The following MSMO1 variants were observed in gnomAD, a reference collection of about 807,000 sequenced individuals.
MSMO1 encodes methylsterol monooxygenase 1, also known as C-4 methylsterol oxidase.
In MSMO1, 18 loss-of-function variants were observed where a neutral mutation model predicts 30.4. The observed-to-expected ratio is 0.59, with a 90% CI of 0.41 to 0.88. The LOEUF (loss-of-function observed/expected upper bound fraction) is 0.88, where lower values mean the gene tolerates loss of function less well. MSMO1 is among the 40% of genes least tolerant of loss of function. The pLI is 0.00. For missense variants in MSMO1, 284 were observed against 340.5 expected, an observed-to-expected ratio of 0.83 and a Z score of 1.31; for synonymous variants, 84 against 107.9, an observed-to-expected ratio of 0.78 and a Z score of 1.37.
intron 1 of MSMO1, among the ~76,000 whole-genome samples, chr4:165,331,960 A>T (rs370283473): frequency 0.023 from 3,351 of 148,638 alleles, 121 homozygotes; most frequent in African/African-American, 0.078. Context: ...ACTCTCCCCT[A>T]CCCCGTCGCC....
intron 5 of MSMO1, 21 bp downstream of exon 5, chr4:165,340,396 A>G (rs1343272070): frequency 1.3e-6 from 2 of 1,591,678 alleles, no homozygotes; most frequent in South Asian, 1.1e-5. Context: ...ATTTCTGTTC[A>G]GGTATAAAGC....
rs372745269 is a variant in MSMO1 at position 165,333,526 on chromosome 4, G to C, written c.156G>C (p.Trp52Cys). 163 of 1,613,148 alleles carry C rather than the reference G, an allele frequency of 1.0e-4. No individual in the cohort carries two copies. The highest frequency in any genetic ancestry group is 1.3e-4 in the Non-Finnish European group (154 of 1,179,592). The change falls in exon 2 of 6, where the codon TGG becomes TGC. Residue 52 changes from tryptophan to cysteine, a missense_variant. Trp to Cys is a radical substitution (Grantham distance 215). Transcript: ENST00000261507. ...ATACAAAGTTCCAGATTGCAACATGGGGATCCCTTATAGTTCATGAAGCCC... is the reference window on the plus strand; with the variant it reads ...ATACAAAGTTCCAGATTGCAACATGCGGATCCCTTATAGTTCATGAAGCCC... The part of the protein sequence containing the change: ...NNYTKFQIAT[W>C]GSLIVHEALY...
At chr4:165,332,670 G>T (rs1009701427) in intron 1 of MSMO1, among the ~76,000 whole-genome samples, 7 of 152,138 alleles carry the variant, frequency 4.6e-5, no homozygotes, top group Admixed American at 1.3e-4. Context: ...TGCTACTCAG[G>T]CTAAAAGTGT....
intron 2 of MSMO1, among the ~76,000 whole-genome samples, chr4:165,337,447 A>G (rs956237289): frequency 6.6e-6 from 1 of 152,214 alleles, no homozygotes; most frequent in Non-Finnish European, 1.5e-5. Flanking sequence ...TGGACACCCA[A>G]CAGTAATCTT....
chr4:165,340,872 T>A (rs1747696985), intron 5 of MSMO1, among the ~76,000 whole-genome samples: 1 of 152,218 alleles, frequency 6.6e-6, no homozygotes, highest in African/African-American at 2.4e-5. Flanking sequence ...CATTATTTTT[T>A]AATTATATGT....
chr4:165,328,653 G>T (rs2126612768), intron 1 of MSMO1, among the ~76,000 whole-genome samples: 1 of 152,242 alleles, frequency 6.6e-6, no homozygotes, highest in East Asian at 1.9e-4. Flanking sequence ...TCCAGAACAG[G>T]CTTCCAGTCA....
rs138659399 is a variant in MSMO1 at position 165,333,703 on chromosome 4, G to T, written c.255+78G>T. ...TTAAAAGTACATAGGGCTTTGTTTT[G>T]TGAGGCTAAAGCAGTGATATCCAAT... On this transcript the variant is annotated intron_variant, in intron 2 of 5. Coordinates refer to ENST00000261507, the MANE Select transcript of MSMO1 (RefSeq NM_006745.5). 509 of 1,390,520 alleles carry T rather than the reference G, an allele frequency of 3.7e-4. 1 individual carries two copies. In the African/African-American group the frequency reaches 5.8e-3, roughly 16 times the overall value. The allele number at this position is 1,390,520 out of a possible 1,614,324, so 86.1% of individuals were successfully genotyped here. A position where few individuals can be genotyped will look rare whatever the true frequency, so the allele number is the denominator to read the frequency against.
chr4:165,334,206 A>G (rs916623884), intron 2 of MSMO1, among the ~76,000 whole-genome samples: 4 of 152,366 alleles, frequency 2.6e-5, no homozygotes, highest in East Asian at 1.9e-4. Flanking sequence ...ATTTTAGTCT[A>G]TCTCAATTTA....
rs1394123215 is a variant in MSMO1 at position 165,340,256 on chromosome 4, T to G, written c.567T>G (p.Pro189=). ...PFGMEAEYAH[P]LETLILGTGF... Reference sequence around the variant, plus strand: ...GAATGGAAGCTGAATATGCACATCCTTTGGAGACTCTAATTCTTGGAACTG... The same window carrying G: ...GAATGGAAGCTGAATATGCACATCCGTTGGAGACTCTAATTCTTGGAACTG... The change falls in exon 5 of 6, where the codon CCT becomes CCG. Residue 189 remains proline, a synonymous_variant. Transcript: ENST00000261507. 3.7e-6 allele frequency: 6 copies of G among 1,613,840 alleles called. No individual in the cohort carries two copies. The highest frequency in any genetic ancestry group is 5.1e-6 in the Non-Finnish European group (6 of 1,179,950).
At chr4:165,331,280 G>T (rs1747380979) in intron 1 of MSMO1, among the ~76,000 whole-genome samples, 1 of 151,752 alleles carries the variant, frequency 6.6e-6, no homozygotes, top group Admixed American at 6.6e-5. Flanking sequence ...CTCCAGCTTG[G>T]GTGACAGAGT....
In MSMO1 at chr4:165,341,731, C is replaced by CT; in HGVS notation, c.687-17dup. On this transcript the variant is annotated intron_variant, in intron 5 of 5. Transcript: ENST00000261507. ...TGAGATGTATTTATTCCTTAATAATCTTTATCATTTTTGTTTCAGTGGTTA... is the reference window on the plus strand; with the variant it reads ...TGAGATGTATTTATTCCTTAATAATCTTTTATCATTTTTGTTTCAGTGGTTA... 6.4e-7 allele frequency: 1 copy of CT among 1,567,112 alleles called. No individual in the cohort carries two copies. Among genetic ancestry groups the CT allele is most frequent in the Non-Finnish European group, 8.8e-7 (1 of 1,137,700 alleles).
At chr4:165,340,047 C>G (rs1747674319) in intron 4 of MSMO1, among the ~76,000 whole-genome samples, 174 bp from the exon 5 acceptor site, 2 of 152,188 alleles carry the variant, frequency 1.3e-5, no homozygotes. Flanking sequence ...AGGGTAATCA[C>G]CTTTACTCAG....
chr4:165,334,732 A>G (rs1054788156), intron 2 of MSMO1, among the ~76,000 whole-genome samples: 1 of 152,240 alleles, frequency 6.6e-6, no homozygotes, highest in Non-Finnish European at 1.5e-5. Flanking sequence ...AGCTGATGAT[A>G]GTTTCTAGTG....
chr4:165,330,753 T>C (rs1207075619), intron 1 of MSMO1, among the ~76,000 whole-genome samples: 2 of 152,104 alleles, frequency 1.3e-5, no homozygotes, highest in Non-Finnish European at 2.9e-5. Context: ...GTGCCCAGGC[T>C]AGAGTGCAGT....
In MSMO1 at chr4:165,330,093, T is replaced by G. The variant is rs1314279954; in HGVS notation, c.-32+2329T>G. ...ACTGTAGGAATTATTCTCCTTGTAC[T>G]CTAATACTTATTATGGGTTTTATTT... On this transcript the variant is annotated intron_variant, in intron 1 of 5. Coordinates refer to ENST00000261507, the MANE Select transcript of MSMO1 (RefSeq NM_006745.5). Among the ~76,000 whole-genome samples the G allele has an allele frequency of 5.9e-5, 9 of 152,358 alleles. No individual in the cohort carries two copies. In the East Asian group the frequency reaches 1.7e-3, roughly 29 times the overall value.
intron 2 of MSMO1, among the ~76,000 whole-genome samples, chr4:165,336,621 A>G (rs72701625): frequency 0.24 from 35,991 of 152,144 alleles, 5,191 homozygotes; most frequent in Non-Finnish European, 0.33. Flanking sequence ...TTTGTCCCCA[A>G]TTACAGAGTG....
intron 4 of MSMO1, 72 bp downstream of exon 4, chr4:165,338,850 T>C: frequency 7.6e-7 from 1 of 1,317,664 alleles, no homozygotes; most frequent in Non-Finnish European, 1.1e-6. Context: ...AGCATTTTTC[T>C]AAAATTGTTG....
chr4:165,338,365 C>G (rs1253993664), intron 3 of MSMO1, among the ~76,000 whole-genome samples: 1 of 151,034 alleles, frequency 6.6e-6, no homozygotes, highest in Non-Finnish European at 1.5e-5. Context: ...TATATATACT[C>G]ATGCGTCACT....
intron 2 of MSMO1, among the ~76,000 whole-genome samples, chr4:165,336,614 G>A (rs1052068860): frequency 7.2e-5 from 11 of 152,166 alleles, no homozygotes; most frequent in Non-Finnish European, 1.3e-4. Context: ...CATTTATTTT[G>A]TCCCCAATTA....
Sources: gnomAD v4.1 joint callset for allele counts (sites outside exome capture counted in the v4.1 genomes callset) on GRCh38, gnomAD v4.1.1 for gene constraint, MANE v1.5 for transcripts, NCBI Gene and HGNC (gene_info 2026-07-23, HGNC 2026-07-21) for gene names.